The following NPFFR2 variants were observed in gnomAD, a reference collection of about 807,000 sequenced individuals.
The protein encoded by NPFFR2 is G-protein coupled receptor 74.
A neutral mutation model predicts 13.1 loss-of-function variants in NPFFR2; 15 were observed. The ratio of observed to expected loss-of-function variants is 1.15; its 90% CI spans 0.77 to 1.76. The LOEUF (loss-of-function observed/expected upper bound fraction) is 1.76. NPFFR2 is among the 40% of genes most tolerant of loss of function. The pLI is 0.00. For missense variants in NPFFR2, 572 were observed against 503.5 expected (o/e 1.14, Z -1.30); for synonymous variants, 190 against 175.7 (o/e 1.08, Z -0.65).
At chr4:72,122,214 T>C (rs1158511266) in intron 1 of NPFFR2, among the ~76,000 whole-genome samples, 1 of 152,128 alleles carries the variant, frequency 6.6e-6, no homozygotes, top group Non-Finnish European at 1.5e-5. Flanking sequence ...CTAACTTAAA[T>C]TTATATGCAC....
intron 2 of NPFFR2, among the ~76,000 whole-genome samples, chr4:72,133,303 A>G (rs1722309211): frequency 6.6e-6 from 1 of 152,088 alleles, no homozygotes; most frequent in Admixed American, 6.5e-5. Flanking sequence ...GCTTTGTTGA[A>G]GGTTAGATAT....
intron 1 of NPFFR2, among the ~76,000 whole-genome samples, chr4:72,103,290 G>A (rs765992326): frequency 2.0e-4 from 30 of 152,122 alleles, no homozygotes; most frequent in Non-Finnish European, 3.4e-4. Flanking sequence ...AATCCCCAAT[G>A]TGACAGCATT....
chr4:72,066,609 G>A (rs1720079191), intron 1 of NPFFR2, among the ~76,000 whole-genome samples: 1 of 148,688 alleles, frequency 6.7e-6, no homozygotes, highest in African/African-American at 2.5e-5. Context: ...AAAATAGGTG[G>A]TGGGATGGGC....
chr4:72,080,356 G>C (rs1227626685), intron 1 of NPFFR2, among the ~76,000 whole-genome samples: 1 of 151,988 alleles, frequency 6.6e-6, no homozygotes, highest in South Asian at 2.1e-4. Context: ...GTAGAGACAG[G>C]GTTTCACCAT....
At chr4:72,069,444 T>C (rs1019226988) in intron 1 of NPFFR2, among the ~76,000 whole-genome samples, 1 of 152,112 alleles carries the variant, frequency 6.6e-6, no homozygotes, top group Non-Finnish European at 1.5e-5. Flanking sequence ...AACTTTTAAG[T>C]ATAAAACAGG....
intron 1 of NPFFR2, among the ~76,000 whole-genome samples, chr4:72,063,658 G>C (rs1437956955): frequency 6.6e-6 from 1 of 152,178 alleles, no homozygotes; most frequent in East Asian, 1.9e-4. Context: ...AAAGGCAAAA[G>C]TGGTTATTTC....
At chr4:72,135,820 T>G (rs929815343) in intron 2 of NPFFR2, among the ~76,000 whole-genome samples, 2 of 87,016 alleles carry the variant, frequency 2.3e-5, no homozygotes, top group Admixed American at 1.0e-4. Flanking sequence ...TTTAATTTGT[T>G]TTTTTTTTAG....
intron 2 of NPFFR2, among the ~76,000 whole-genome samples, chr4:72,134,220 T>C (rs1207681482): frequency 2.0e-5 from 3 of 152,138 alleles, no homozygotes; most frequent in Non-Finnish European, 4.4e-5. Context: ...GCCGAGATCG[T>C]GCCACTGCAC....
At chr4:72,125,816 C>G (rs186544066) in intron 1 of NPFFR2, among the ~76,000 whole-genome samples, 2 of 152,234 alleles carry the variant, frequency 1.3e-5, no homozygotes, top group Admixed American at 6.5e-5. Context: ...CCAGGATATC[C>G]TATTTTAATA....
intron 1 of NPFFR2, among the ~76,000 whole-genome samples, chr4:72,065,035 G>A (rs143999937): frequency 6.6e-6 from 1 of 151,726 alleles, no homozygotes; most frequent in East Asian, 1.9e-4. Context: ...CATCCAAGTT[G>A]TCCAGTGGCC....
intron 1 of NPFFR2, among the ~76,000 whole-genome samples, chr4:72,117,995 G>A (rs151069278): frequency 3.3e-3 from 495 of 152,138 alleles, no homozygotes; most frequent in Non-Finnish European, 4.9e-3. Context: ...AAGCCAAAAG[G>A]GAGGAAGAAA....
At chr4:72,043,611 G>A (rs746034989) in intron 1 of NPFFR2, among the ~76,000 whole-genome samples, 1 of 152,196 alleles carries the variant, frequency 6.6e-6, no homozygotes, top group Admixed American at 6.5e-5. Context: ...TTGCCCTATT[G>A]GATTTTGTGC....
intron 2 of NPFFR2, among the ~76,000 whole-genome samples, chr4:72,135,863 G>T (rs1486228118): frequency 6.6e-6 from 1 of 151,370 alleles, no homozygotes; most frequent in Non-Finnish European, 1.5e-5. Context: ...TATTTATGGG[G>T]TACATATGAT....
intron 3 of NPFFR2, among the ~76,000 whole-genome samples, chr4:72,144,979 C>T (rs1186340718): frequency 1.3e-5 from 2 of 152,162 alleles, no homozygotes; most frequent in Non-Finnish European, 2.9e-5. Context: ...AAATAAGCTT[C>T]TTAAATTGTA....
At position 72,065,445 on chromosome 4, in the gene NPFFR2, C is replaced by CT. The variant is rs777356521; in HGVS notation, c.-8+33248dup. On this transcript the variant is annotated intron_variant, in intron 1 of 3. Transcript: ENST00000308744. ...AAATAAGCTCTTGGTCTCAAAAAGA[C>CT]TTTCTTCTCCAAAAGATTGAAAGGA... is the stretch of plus-strand genomic sequence containing the variant. Among the ~76,000 whole-genome samples the CT allele has an allele frequency of 2.0e-5, 3 of 152,258 alleles. No homozygotes were observed. The South Asian group carries it at 6.2e-4, about 32-fold the overall frequency.
chr4:72,061,006 T>C (rs916709558), intron 1 of NPFFR2, among the ~76,000 whole-genome samples: 2 of 152,100 alleles, frequency 1.3e-5, no homozygotes, highest in African/African-American at 4.8e-5. Flanking sequence ...AGAAAGACAT[T>C]TAAGTCAGAG....
chr4:72,124,268 C>T (rs923413083), intron 1 of NPFFR2, among the ~76,000 whole-genome samples: 2 of 151,890 alleles, frequency 1.3e-5, no homozygotes, highest in African/African-American at 4.8e-5. Flanking sequence ...AGAGAGGACA[C>T]AAGCAATGCC....
In NPFFR2 at chr4:72,060,046, C is replaced by T. The variant is rs536651427; in HGVS notation, c.-8+27846C>T. On this transcript the variant is annotated intron_variant, in intron 1 of 3. Coordinates refer to ENST00000308744, the MANE Select transcript of NPFFR2 (RefSeq NM_004885.3). ...ATGCTTTCTCAAGTAGATCCAGCTT[C>T]CCATTTATTAAAGAGATTTTATGTC... Among the ~76,000 whole-genome samples the T allele has an allele frequency of 7.2e-5, 11 of 152,186 alleles. No individual in the cohort carries two copies. The East Asian group carries it at 1.2e-3, about 16-fold the overall frequency.
At chr4:72,078,375 C>G (rs1241919993) in intron 1 of NPFFR2, among the ~76,000 whole-genome samples, 2 of 152,084 alleles carry the variant, frequency 1.3e-5, no homozygotes, top group African/African-American at 4.8e-5. Flanking sequence ...CTAAAGCTAT[C>G]AATGAATGAG....
Sources: gnomAD v4.1 joint callset for allele counts (sites outside exome capture counted in the v4.1 genomes callset) on GRCh38, gnomAD v4.1.1 for gene constraint, MANE v1.5 for transcripts, NCBI Gene and HGNC (gene_info 2026-07-23, HGNC 2026-07-21) for gene names.